Variants in KIAA0825 observed in about 807,000 individuals in gnomAD.
The protein encoded by KIAA0825 is KIAA0825.
Under a neutral mutation model 147.6 loss-of-function variants are expected in KIAA0825, and 119 were observed. The observed-to-expected ratio is 0.81, with a 90% CI of 0.69 to 0.94. The LOEUF is 0.94. KIAA0825 is among the 40% of genes least tolerant of loss of function. The probability of loss-of-function intolerance (pLI) is 0.00; values close to 1 mark genes in which losing one functional copy is unlikely to be tolerated. For missense variants in KIAA0825, 1,381 were observed against 1,472.7 expected (o/e 0.94, Z 1.02); for synonymous variants, 470 against 518.1 (o/e 0.91, Z 1.26).
rs772848227 is a variant in KIAA0825, at chr5:94,391,413, T to C, written c.3456+122A>G. The C allele has an allele frequency of 1.5e-5, 13 of 876,836 alleles. No individual in the cohort carries two copies. The Admixed American group carries it at 2.9e-4, about 19-fold the overall frequency. The allele number at this position is 876,836 out of a possible 1,614,324, so 54.3% of individuals were successfully genotyped here. The stretch of plus-strand genomic sequence containing the variant: ...TGAATAGATTCTATTAATAATGCAA[T>C]ATTGAGTTTGGTATTGACTTTAAGA... On this transcript the variant is annotated intron_variant, in intron 18 of 20. Coordinates refer to ENST00000682413, the MANE Select transcript of KIAA0825 (RefSeq NM_001145678.3).
chr5:94,172,859 C>T (rs1768757564), intron 20 of KIAA0825, among the ~76,000 whole-genome samples: 1 of 151,988 alleles, frequency 6.6e-6, no homozygotes, highest in South Asian at 2.1e-4. Flanking sequence ...TCAGTTTTTT[C>T]ATCTTCAAAT....
At chr5:94,431,311 G>C (rs1387353324) in intron 14 of KIAA0825, among the ~76,000 whole-genome samples, 1 of 152,120 alleles carries the variant, frequency 6.6e-6, no homozygotes, top group East Asian at 1.9e-4. Context: ...AGAGATCAAT[G>C]AATAAAACAG....
At chr5:94,557,222 C>T (rs1776699019) in intron 2 of KIAA0825, among the ~76,000 whole-genome samples, 1 of 152,054 alleles carries the variant, frequency 6.6e-6, no homozygotes, top group Non-Finnish European at 1.5e-5. Context: ...AAGTGATCCT[C>T]CCACCTCAGA....
intron 20 of KIAA0825, among the ~76,000 whole-genome samples, chr5:94,185,382 G>T (rs1770028885): frequency 6.6e-6 from 1 of 152,280 alleles, no homozygotes; most frequent in African/African-American, 2.4e-5. Flanking sequence ...AAAGAATATG[G>T]TGTATGGTTG....
Position 94,587,386 on chromosome 5 carries a change from C to T in KIAA0825, c.-152-4803G>A, listed in dbSNP as rs145396925. 6.9e-3 allele frequency among the ~76,000 whole-genome samples: 1,050 copies of T among 152,066 alleles called. 14 individuals carry two copies. Among genetic ancestry groups the T allele is most frequent in the African/African-American group, 0.023 (971 of 41,498 alleles). ...CAATGTGCAAAAATCACAAGCAGTCCTATACACCAAGAACAGACAAACAGA... is the reference window on the plus strand; with the variant it reads ...CAATGTGCAAAAATCACAAGCAGTCTTATACACCAAGAACAGACAAACAGA... On this transcript the variant is annotated intron_variant, in intron 1 of 20. Transcript: ENST00000682413.
intron 4 of KIAA0825, among the ~76,000 whole-genome samples, chr5:94,523,655 T>C (rs1193620361): frequency 1.3e-5 from 2 of 151,544 alleles, no homozygotes; most frequent in African/African-American, 2.4e-5. Flanking sequence ...TTTTGTGGTA[T>C]TGATATGATA....
At chr5:94,182,054 T>G (rs1769666926) in intron 20 of KIAA0825, among the ~76,000 whole-genome samples, 1 of 151,872 alleles carries the variant, frequency 6.6e-6, no homozygotes, top group African/African-American at 2.4e-5. Context: ...TACAAACCTC[T>G]TTCTGACTTG....
Position 94,511,997 on chromosome 5 carries a change from A to T in KIAA0825, c.970+8251T>A, listed in dbSNP as rs145430085. On this transcript the variant is annotated intron_variant, in intron 5 of 20. Coordinates refer to ENST00000682413, the MANE Select transcript of KIAA0825 (RefSeq NM_001145678.3). ...AGAGCAAAACTCTGTCTCAAAAAAA[A>T]AATAATAATAATAAAATAAAAAATA... Among the ~76,000 whole-genome samples the T allele has an allele frequency of 5.5e-3, 836 of 152,164 alleles. 9 individuals carry two copies. Among genetic ancestry groups the T allele is most frequent in the African/African-American group, 0.018 (755 of 41,542 alleles).
intron 5 of KIAA0825, among the ~76,000 whole-genome samples, chr5:94,492,939 G>A (rs1274981801): frequency 2.6e-5 from 4 of 152,102 alleles, no homozygotes; most frequent in Non-Finnish European, 5.9e-5. Flanking sequence ...GCATCTTTAC[G>A]GCGTCAGTTC....
chr5:94,452,979 A>C lies in KIAA0825; in HGVS notation c.2337T>G (p.His779Gln), dbSNP rs757477693. The part of the protein sequence containing the change: ...QPLYWVSCIS[H>Q]FYPSLLRTPS... ...CTCACCTGAGTAAAGAAGGGTAGAA[A>C]TGTGATATGCAAGAAACCCAATATA... is the stretch of plus-strand genomic sequence containing the variant. The change falls in exon 13 of 21, where the codon CAT becomes CAG. Residue 779 changes from histidine to glutamine, a missense_variant. Physicochemically the swap from His to Gln is conservative, Grantham distance 24 (BLOSUM62 0). Transcript: ENST00000682413. 217 of 1,519,410 alleles carry C rather than the reference A, an allele frequency of 1.4e-4. No individual in the cohort carries two copies. Among genetic ancestry groups the C allele is most frequent in the Non-Finnish European group, 1.8e-4 (209 of 1,131,264 alleles). 94.1% of individuals were successfully genotyped at this position (1,519,410 alleles called of 1,614,324 possible).
At chr5:94,312,465 T>C (rs966536299) in intron 20 of KIAA0825, among the ~76,000 whole-genome samples, 2 of 151,688 alleles carry the variant, frequency 1.3e-5, no homozygotes, top group Admixed American at 6.6e-5. Context: ...TGATGGACCC[T>C]AATGGCTCCA....
At chr5:94,589,252 A>G (rs1361700121) in intron 1 of KIAA0825, among the ~76,000 whole-genome samples, 5 of 152,124 alleles carry the variant, frequency 3.3e-5, no homozygotes, top group Admixed American at 3.3e-4. Context: ...GGGGCCTGAA[A>G]TTTTGCATTT....
chr5:94,505,048 C>T (rs2151135470), intron 5 of KIAA0825, among the ~76,000 whole-genome samples: 1 of 151,754 alleles, frequency 6.6e-6, no homozygotes, highest in Non-Finnish European at 1.5e-5. Flanking sequence ...GCCCAGTTCA[C>T]CCATGTGATA....
At chr5:94,430,083 T>G (rs1755465135) in intron 14 of KIAA0825, among the ~76,000 whole-genome samples, 1 of 152,058 alleles carries the variant, frequency 6.6e-6, no homozygotes, top group Non-Finnish European at 1.5e-5. Flanking sequence ...GGGCAACTCA[T>G]GCTGCTGGAC....
chr5:94,395,209 A>G (rs1750478622), intron 17 of KIAA0825, among the ~76,000 whole-genome samples: 1 of 152,196 alleles, frequency 6.6e-6, no homozygotes, highest in African/African-American at 2.4e-5. Context: ...GTACTCGCCC[A>G]TCTGACTCCA....
chr5:94,578,032 C>G (rs893913759), intron 2 of KIAA0825, among the ~76,000 whole-genome samples: 1 of 152,124 alleles, frequency 6.6e-6, no homozygotes, highest in Non-Finnish European at 1.5e-5. Context: ...CACAGGAAGA[C>G]AGTTTTCAGA....
rs1438528305 is a variant in KIAA0825 at position 94,422,644 on chromosome 5, C to T, written c.2498-5279G>A. On this transcript the variant is annotated intron_variant, in intron 14 of 20. Transcript: ENST00000682413. ...TTCCACAAAATAAAGGTCTAACTCC[C>T]GTTTTTCTTTCCCTCTGCCTTCTGG... 2.0e-5 allele frequency among the ~76,000 whole-genome samples: 3 copies of T among 152,080 alleles called. 1 individual carries two copies. Among genetic ancestry groups the T allele is most frequent in the Non-Finnish European group, 4.4e-5 (3 of 68,010 alleles).
chr5:94,597,930 C>A (rs1361237666), intron 1 of KIAA0825, among the ~76,000 whole-genome samples: 1 of 152,000 alleles, frequency 6.6e-6, no homozygotes, highest in Non-Finnish European at 1.5e-5. Context: ...GTATATGGCA[C>A]TTATCATTCA....
chr5:94,527,998 TA>T (rs987444668), intron 3 of KIAA0825, among the ~76,000 whole-genome samples: 5 of 151,652 alleles, frequency 3.3e-5, no homozygotes, highest in African/African-American at 4.8e-5. Flanking sequence ...TTAAAAAAAG[TA>T]AAAAAAAGAA....
Sources: gnomAD v4.1 joint callset for allele counts (sites outside exome capture counted in the v4.1 genomes callset) on GRCh38, gnomAD v4.1.1 for gene constraint, MANE v1.5 for transcripts, NCBI Gene and HGNC (gene_info 2026-07-23, HGNC 2026-07-21) for gene names.